The following CACUL1 variants were observed in gnomAD, a reference collection of about 807,000 sequenced individuals.
The protein encoded by CACUL1 is CDK2 associated cullin domain 1.
Under a neutral mutation model 45.2 loss-of-function variants are expected in CACUL1, and 13 were observed. That is an observed-to-expected ratio of 0.29 (90% confidence interval 0.19 to 0.46). The LOEUF is 0.46. Among genes scored for constraint, CACUL1 ranks in the 20% least tolerant of loss-of-function variants. The pLI is 1.00. For synonymous variants in CACUL1, 197 were observed against 174.2 expected (o/e 1.13, Z -1.03); for missense variants, 421 against 471.4 (o/e 0.89, Z 0.99).
At chr10:118,721,941 G>A (rs1017938505) in intron 3 of CACUL1, among the ~76,000 whole-genome samples, 8 of 152,116 alleles carry the variant, frequency 5.3e-5, no homozygotes, top group Non-Finnish European at 1.2e-4. Context: ...ATGAAATGAG[G>A]AAGTGTCATT....
chr10:118,739,807 G>A (rs949041152), intron 1 of CACUL1, among the ~76,000 whole-genome samples: 2 of 152,324 alleles, frequency 1.3e-5, no homozygotes, highest in South Asian at 2.1e-4. Context: ...AAAAACACCA[G>A]TGACAGGTAC....
rs1845932482 is a variant in CACUL1, at chr10:118,754,407, G to A, written c.356C>T (p.Thr119Ile). ...ASSTININTS[T>I]SKFLMNVITI... ...AAGGCTGGACTCACAGAACTTGGAGGTGGAGGTGTTGATGTTGATGGTGGA... is the reference window on the plus strand; with the variant it reads ...AAGGCTGGACTCACAGAACTTGGAGATGGAGGTGTTGATGTTGATGGTGGA... The change falls in exon 1 of 9, where the codon ACC (threonine) becomes ATC (isoleucine). Residue 119 changes from threonine to isoleucine, a missense_variant. Thr to Ile is a moderately conservative substitution (Grantham distance 89). Coordinates refer to ENST00000369151, the MANE Select transcript of CACUL1 (RefSeq NM_153810.5). 6.4e-7 allele frequency: 1 copy of A among 1,571,118 alleles called. No individual in the cohort carries two copies. Among genetic ancestry groups the A allele is most frequent in the Non-Finnish European group, 8.6e-7 (1 of 1,159,324 alleles).
intron 7 of CACUL1, among the ~76,000 whole-genome samples, chr10:118,689,607 CCTTCATGTGCAGACACAATGCAA>C (rs1028809482): frequency 6.6e-6 from 1 of 152,122 alleles, no homozygotes; most frequent in African/African-American, 2.4e-5. Context: ...CCATGTTTGT[CCTTCATGTGCAGACACAATGCAA>C]CCTGAGGTTA....
At position 118,677,730 on chromosome 10, in the gene CACUL1, C is replaced by T. The variant is rs770530748; in HGVS notation, c.*8398G>A. ...CCACTCTAGAGAATTCCACAGCATA[C>T]ACTTCATTTATTCACTGTATGCTAG... On this transcript the variant is annotated 3_prime_UTR_variant, in exon 9 of 9. Transcript: ENST00000369151. 5 of 152,192 alleles carry T rather than the reference C, an allele frequency of 3.3e-5. No homozygotes were observed. The highest frequency in any genetic ancestry group is 7.3e-5 in the Non-Finnish European group (5 of 68,036). The allele number at this position is 152,192 out of a possible 1,614,324, so 9.4% of individuals were successfully genotyped here.
At chr10:118,725,760 G>T (rs944379274) in intron 3 of CACUL1, among the ~76,000 whole-genome samples, 1 of 152,198 alleles carries the variant, frequency 6.6e-6, no homozygotes. Flanking sequence ...GTTAGATTAT[G>T]CTGTCATGTA....
chr10:118,699,734 T>A (rs1333418341), intron 5 of CACUL1, among the ~76,000 whole-genome samples: 1 of 152,010 alleles, frequency 6.6e-6, no homozygotes, highest in Non-Finnish European at 1.5e-5. Flanking sequence ...AAGCTCCGCA[T>A]CCCGGGTTCA....
intron 1 of CACUL1, among the ~76,000 whole-genome samples, chr10:118,753,137 A>G (rs1349383557): frequency 1.3e-5 from 2 of 152,282 alleles, no homozygotes; most frequent in East Asian, 1.9e-4. Flanking sequence ...TCATTCTGCC[A>G]CTCTACAGGA....
At position 118,754,378 on chromosome 10, in the gene CACUL1, G is replaced by A. The variant is rs1205932540; in HGVS notation, c.367+18C>T. On this transcript the variant is annotated intron_variant, in intron 1 of 8. Transcript: ENST00000369151. The stretch of plus-strand genomic sequence containing the variant: ...GAGGTGGAGAAAAGCCAAGGCTGCA[G>A]GGAAAGGCTGGACTCACAGAACTTG... The A allele has an allele frequency of 2.6e-6, 4 of 1,512,764 alleles. No individual in the cohort carries two copies. The African/African-American group carries it at 4.3e-5, about 16-fold the overall frequency. The allele number at this position is 1,512,764 out of a possible 1,614,324, so 93.7% of individuals were successfully genotyped here.
intron 2 of CACUL1, 140 bp from the exon 3 acceptor site, chr10:118,729,537 A>C: frequency 1.6e-6 from 1 of 638,528 alleles, no homozygotes; most frequent in Non-Finnish European, 2.7e-6. Context: ...ACAACTTTTA[A>C]ATAAAAACTT....
intron 3 of CACUL1, among the ~76,000 whole-genome samples, chr10:118,710,687 C>T (rs766064791): frequency 1.6e-4 from 25 of 152,190 alleles, no homozygotes; most frequent in Non-Finnish European, 1.3e-4. Context: ...TACCTTCAAA[C>T]CCCTGGAGGG....
At position 118,707,571 on chromosome 10, in the gene CACUL1, A is replaced by T; in HGVS notation, c.614T>A (p.Leu205His). 4 of 1,552,166 alleles carry T rather than the reference A, an allele frequency of 2.6e-6. No individual in the cohort carries two copies. Among genetic ancestry groups the T allele is most frequent in the Non-Finnish European group, 3.6e-6 (4 of 1,124,788 alleles). Residue 205 changes from leucine to histidine, a missense_variant, in exon 4 of 9, where the codon CTC becomes CAC. Physicochemically the swap from Leu to His is moderately conservative, Grantham distance 99 (BLOSUM62 -3). Transcript: ENST00000369151. ...AGCTATATTAAATCTTTCAATATAG[A>T]GATCTGGAGGGCTGGCCTGTGAGAA... The part of the protein sequence containing the change: ...SKELQASPPD[L>H]YIERFNIALG...
chr10:118,690,263 TGCAGTCC>T (rs1845249685), intron 7 of CACUL1, among the ~76,000 whole-genome samples: 2 of 128,794 alleles, frequency 1.6e-5, no homozygotes, highest in Non-Finnish European at 3.1e-5. Context: ...ATTGCGCCAC[TGCAGTCC>T]GCAGTCCGGC....
Position 118,681,125 on chromosome 10 carries a change from A to C in CACUL1, c.*5003T>G, listed in dbSNP as rs1404866398. The stretch of plus-strand genomic sequence containing the variant: ...TGGCTTTGTATCCCAGGTCAATAGG[A>C]GTTTCATCCGCCATTTTGTTTTTCT... On this transcript the variant is annotated 3_prime_UTR_variant, in exon 9 of 9. Transcript: ENST00000369151. 1 of 152,238 alleles carries C rather than the reference A, an allele frequency of 6.6e-6. No homozygotes were observed. The highest frequency in any genetic ancestry group is 1.9e-4 in the East Asian group (1 of 5,204). The allele number at this position is 152,238 out of a possible 1,614,324, so 9.4% of individuals were successfully genotyped here.
At chr10:118,696,608 A>G (rs1301480389) in intron 5 of CACUL1, among the ~76,000 whole-genome samples, 1 of 152,208 alleles carries the variant, frequency 6.6e-6, no homozygotes, top group Admixed American at 6.5e-5. Context: ...CCGCTACTGC[A>G]CTCCAGCTTG....
rs76365584 is a variant in CACUL1 at position 118,719,248 on chromosome 10, G to A, written c.597+10047C>T. Among the ~76,000 whole-genome samples the A allele has an allele frequency of 9.0e-3, 1,372 of 152,152 alleles. 21 individuals are homozygous for A. The highest frequency in any genetic ancestry group is 0.032 in the African/African-American group (1,313 of 41,494). On this transcript the variant is annotated intron_variant, in intron 3 of 8. Coordinates refer to ENST00000369151, the MANE Select transcript of CACUL1 (RefSeq NM_153810.5). ...CATTTATTCCTATAATAAGTACAAC[G>A]TTGGCATTTTTGTATCCCATACAAA...
chr10:118,701,353 T>C lies in CACUL1; in HGVS notation c.749A>G (p.Lys250Arg), dbSNP rs1286523561. 1.9e-6 allele frequency: 3 copies of C among 1,579,304 alleles called. No homozygotes were observed. In the South Asian group the frequency reaches 3.5e-5, roughly 18 times the overall value. ...TTCTGCAACATGTTCCGTAAACAGC[T>C]TTATAAGGTCATCTTTTAAGTCTCT... ...LNRDLKDDLI[K>R]LFTEHVAEKH... is the part of the protein sequence containing the mutation. Residue 250 changes from lysine (K) to arginine (R), a missense_variant, in exon 5 of 9, where the codon AAG becomes AGG. Around this residue, in one of 2 missense-constraint regions of CACUL1, gnomAD observed 208 missense variants for 298.4 expected, o/e 0.70. Coordinates refer to ENST00000369151, the MANE Select transcript of CACUL1 (RefSeq NM_153810.5).
chr10:118,754,907 T>A lies in CACUL1; in HGVS notation c.-145A>T. 1 of 1,179,878 alleles carries A rather than the reference T, an allele frequency of 8.5e-7. No homozygotes were observed. Among genetic ancestry groups the A allele is most frequent in the Admixed American group, 3.0e-5 (1 of 33,868 alleles). The allele number at this position is 1,179,878 out of a possible 1,614,324, so 73.1% of individuals were successfully genotyped here. A position where few individuals can be genotyped will look rare whatever the true frequency, so the allele number is the denominator to read the frequency against. ...AGAGGGCTGCGGTGCGCAGGGTCTC[T>A]CGCTCTCCGCGGGGCCGACTAGCTT... On this transcript the variant is annotated 5_prime_UTR_variant, in exon 1 of 9. Transcript: ENST00000369151.
At position 118,698,113 on chromosome 10, in the gene CACUL1, C is replaced by T. The variant is rs186112419; in HGVS notation, c.797-2883G>A. ...TTACATTTTTGTGTTGTTTTTAAGACGTGGCTCCCAAATTCTTCTGACAAA... is the reference window on the plus strand; with the variant it reads ...TTACATTTTTGTGTTGTTTTTAAGATGTGGCTCCCAAATTCTTCTGACAAA... On this transcript the variant is annotated intron_variant, in intron 5 of 8. Transcript: ENST00000369151. 1.5e-3 allele frequency among the ~76,000 whole-genome samples: 220 copies of T among 150,720 alleles called. 1 individual carries two copies. The highest frequency in any genetic ancestry group is 2.4e-3 in the Non-Finnish European group (160 of 67,818).
chr10:118,730,773 G>A (rs979437969), intron 1 of CACUL1, among the ~76,000 whole-genome samples: 1 of 152,122 alleles, frequency 6.6e-6, no homozygotes, highest in Admixed American at 6.5e-5. Flanking sequence ...TGACAAAATG[G>A]CCTATCAATG....
Sources: gnomAD v4.1 joint callset for allele counts (sites outside exome capture counted in the v4.1 genomes callset) on GRCh38, gnomAD v4.1.1 for gene constraint, gnomAD v4.1.1 regional missense constraint, MANE v1.5 for transcripts, NCBI Gene and HGNC (gene_info 2026-07-23, HGNC 2026-07-21) for gene names.